The following RFX8 variants were observed in gnomAD, a reference collection of about 807,000 sequenced individuals.
RFX8 encodes the protein regulatory factor X8.
Under a neutral mutation model 54.6 loss-of-function variants are expected in RFX8, and 46 were observed. The ratio of observed to expected loss-of-function variants is 0.84; its 90% CI spans 0.67 to 1.08. The LOEUF (loss-of-function observed/expected upper bound fraction) is 1.08, where lower values mean the gene tolerates loss of function less well. RFX8 is among the 50% of genes least tolerant of loss of function. The pLI is 0.00. For synonymous variants in RFX8, 192 were observed against 209.5 expected (o/e 0.92, Z 0.72); for missense variants, 536 against 562.3 (o/e 0.95, Z 0.47).
intron 2 of RFX8, among the ~76,000 whole-genome samples, chr2:101,436,596 T>C (rs1370776551): frequency 7.0e-6 from 1 of 142,450 alleles, no homozygotes; most frequent in African/African-American, 2.6e-5. Context: ...GCTGCACACA[T>C]AGAGAAATGG....
At chr2:101,459,740 T>C (rs964241875) in intron 2 of RFX8, among the ~76,000 whole-genome samples, 9 of 152,178 alleles carry the variant, frequency 5.9e-5, no homozygotes, top group Non-Finnish European at 5.9e-5. Flanking sequence ...TTGAATGCTG[T>C]GCTGGGAGAA....
intron 8 of RFX8, among the ~76,000 whole-genome samples, chr2:101,412,306 C>T (rs762841757): frequency 2.6e-4 from 40 of 152,134 alleles, no homozygotes; most frequent in African/African-American, 7.2e-4. Flanking sequence ...TCCCCAAGGA[C>T]GCAACAACAC....
chr2:101,439,695 C>T (rs1022410757), intron 2 of RFX8, among the ~76,000 whole-genome samples: 2 of 147,534 alleles, frequency 1.4e-5, no homozygotes, highest in African/African-American at 2.5e-5. Context: ...TGTCAAAAAT[C>T]AGTGGAACAT....
intron 2 of RFX8, among the ~76,000 whole-genome samples, chr2:101,422,908 A>C (rs181235960): frequency 6.7e-4 from 102 of 152,322 alleles, no homozygotes; most frequent in Middle Eastern, 3.4e-3. Context: ...TTGTATCAGA[A>C]ATCTCAGGGC....
intron 11 of RFX8, 140 bp from the exon 12 acceptor site, chr2:101,397,864 C>CT (rs894849758): frequency 0.052 from 26,819 of 518,588 alleles, 2 homozygotes; most frequent in East Asian, 0.069. Context: ...GCATTTATTC[C>CT]TTTTTTTTTT....
chr2:101,401,668 G>A lies in RFX8; in HGVS notation c.1245+768C>T, dbSNP rs551654513. On this transcript the variant is annotated intron_variant, in intron 11 of 11. Coordinates refer to ENST00000428343, the MANE Select transcript of RFX8 (RefSeq NM_001145664.2). ...ACTCCTCAATGGAGGCATTTCAGTTGTTCCTCCATCAGTCCAGCTCTGCTT... is the reference window on the plus strand; with the variant it reads ...ACTCCTCAATGGAGGCATTTCAGTTATTCCTCCATCAGTCCAGCTCTGCTT... Among the ~76,000 whole-genome samples the A allele has an allele frequency of 3.9e-4, 59 of 152,190 alleles. No individual in the cohort carries two copies. In the South Asian group the frequency reaches 0.012, roughly 30 times the overall value.
chr2:101,419,994 C>T (rs1350574398), intron 4 of RFX8, among the ~76,000 whole-genome samples: 2 of 152,168 alleles, frequency 1.3e-5, no homozygotes, highest in African/African-American at 4.8e-5. Flanking sequence ...TTGCGCTTGC[C>T]TCTGAAATAT....
At chr2:101,467,734 G>A (rs1011405237) in intron 1 of RFX8, among the ~76,000 whole-genome samples, 2 of 152,006 alleles carry the variant, frequency 1.3e-5, no homozygotes, top group African/African-American at 4.8e-5. Context: ...CCGGCCCCTG[G>A]GGACAGCCAG....
chr2:101,437,346 G>A (rs1420233964), intron 2 of RFX8, among the ~76,000 whole-genome samples: 1 of 152,160 alleles, frequency 6.6e-6, no homozygotes, highest in African/African-American at 2.4e-5. Flanking sequence ...ACTGAGGCAG[G>A]AGGATCCCTT....
chr2:101,398,322 C>T (rs1161988961), intron 11 of RFX8, among the ~76,000 whole-genome samples: 6 of 152,096 alleles, frequency 3.9e-5, no homozygotes, highest in Non-Finnish European at 8.8e-5. Context: ...TGAGAGCAAA[C>T]CAACACTCTT....
chr2:101,440,142 C>T (rs1688015651), intron 2 of RFX8, among the ~76,000 whole-genome samples: 1 of 151,572 alleles, frequency 6.6e-6, no homozygotes, highest in Admixed American at 6.6e-5. Context: ...ATTCATATAC[C>T]ATACAATTCA....
intron 8 of RFX8, 76 bp downstream of exon 8, chr2:101,412,839 T>C (rs1028476196): frequency 1.5e-6 from 2 of 1,339,660 alleles, no homozygotes; most frequent in Non-Finnish European, 2.0e-6. Context: ...AAGAAATTCA[T>C]GAGTTAACGA....
intron 2 of RFX8, among the ~76,000 whole-genome samples, chr2:101,432,254 A>G (rs1345573726): frequency 6.6e-6 from 1 of 152,196 alleles, no homozygotes; most frequent in African/African-American, 2.4e-5. Flanking sequence ...AAGAACCACA[A>G]AAATATTCAG....
At chr2:101,460,732 C>G (rs1178275411) in intron 2 of RFX8, among the ~76,000 whole-genome samples, 2 of 151,344 alleles carry the variant, frequency 1.3e-5, no homozygotes, top group East Asian at 3.9e-4. Context: ...ATGTTGCATC[C>G]CTCTTTCTTT....
At chr2:101,410,737 A>G (rs1686076953) in intron 8 of RFX8, 24 bp from the exon 9 acceptor site, 1 of 1,238,834 alleles carries the variant, frequency 8.1e-7, no homozygotes, top group Non-Finnish European at 1.2e-6. Flanking sequence ...AAATAAACAA[A>G]CAAAAGATTG....
chr2:101,415,217 T>C (rs1351559989), intron 6 of RFX8, among the ~76,000 whole-genome samples: 1 of 152,000 alleles, frequency 6.6e-6, no homozygotes, highest in Non-Finnish European at 1.5e-5. Flanking sequence ...ATTGTGATGG[T>C]GTTAGGAAGT....
At chr2:101,413,853 C>T (rs1341418809) in intron 7 of RFX8, among the ~76,000 whole-genome samples, 1 of 152,140 alleles carries the variant, frequency 6.6e-6, no homozygotes, top group Admixed American at 6.5e-5. Context: ...CACAACCCCG[C>T]TGAGCTCAGA....
At chr2:101,461,668 A>G (rs1304890556) in intron 2 of RFX8, among the ~76,000 whole-genome samples, 1 of 152,212 alleles carries the variant, frequency 6.6e-6, no homozygotes, top group Admixed American at 6.5e-5. Context: ...TAATATAGAG[A>G]GCAAATACAA....
chr2:101,452,384 C>A, intron 2 of RFX8: 1 of 1,426,838 alleles, frequency 7.0e-7, no homozygotes. Flanking sequence ...TCTAAACCTA[C>A]CTGGCACTTC....
Sources: allele counts gnomAD v4.1 joint callset (sites outside exome capture counted in the v4.1 genomes callset), GRCh38; gene constraint gnomAD v4.1.1; transcripts MANE v1.5; gene names NCBI Gene and HGNC (gene_info 2026-07-23, HGNC 2026-07-21).